Variants in MINK1 observed in about 807,000 individuals in gnomAD.
The protein encoded by MINK1 is misshapen-like kinase 1.
Under a neutral mutation model 178.4 loss-of-function variants are expected in MINK1, and 46 were observed. The observed-to-expected ratio is 0.26, with a 90% CI of 0.20 to 0.33. MINK1 has a LOEUF of 0.33. Among genes scored for constraint, MINK1 ranks in the 10% least tolerant of loss-of-function variants. The probability of loss-of-function intolerance (pLI) is 1.00; values close to 1 mark genes in which losing one functional copy is unlikely to be tolerated. For missense variants in MINK1, 1,366 were observed against 1,814.9 expected, an observed-to-expected ratio of 0.75 and a Z score of 4.49; for synonymous variants, 797 against 709.7, an observed-to-expected ratio of 1.12 and a Z score of -1.96.
At chr17:4,859,673 A>G (rs1319397237) in intron 1 of MINK1, among the ~76,000 whole-genome samples, 1 of 151,546 alleles carries the variant, frequency 6.6e-6, no homozygotes, top group Non-Finnish European at 1.5e-5. Flanking sequence ...CTGTAATCCC[A>G]GCTACCTGGG....
At chr17:4,861,707 G>T in intron 1 of MINK1, 1 of 286,920 alleles carries the variant, frequency 3.5e-6, no homozygotes, top group South Asian at 2.7e-5. Flanking sequence ...CACCATGTTG[G>T]CCAGGCTGGT....
intron 1 of MINK1, among the ~76,000 whole-genome samples, chr17:4,871,480 G>C (rs1597476279): frequency 6.6e-6 from 1 of 152,062 alleles, no homozygotes; most frequent in East Asian, 1.9e-4. Flanking sequence ...CCAAAGTGCT[G>C]GGGTTATAGA....
At position 4,879,152 on chromosome 17, in the gene MINK1, G is replaced by A. The variant is rs532356258; in HGVS notation, c.123+770G>A. Among the ~76,000 whole-genome samples, 3 of 148,786 alleles carry A rather than the reference G, an allele frequency of 2.0e-5. No individual in the cohort carries two copies. The East Asian group carries it at 6.1e-4, about 30-fold the overall frequency. On this transcript the variant is annotated intron_variant, in intron 2 of 31. Coordinates refer to ENST00000355280, the MANE Select transcript of MINK1 (RefSeq NM_153827.5). ...GCTGACACTTGGATTGGGAGGAGCCGCTGCAGCAGGGAGTGAGGTGGCCTG... is the reference window on the plus strand; with the variant it reads ...GCTGACACTTGGATTGGGAGGAGCCACTGCAGCAGGGAGTGAGGTGGCCTG...
At chr17:4,867,594 G>A (rs1281254281) in intron 1 of MINK1, among the ~76,000 whole-genome samples, 1 of 152,164 alleles carries the variant, frequency 6.6e-6, no homozygotes, top group Non-Finnish European at 1.5e-5. Context: ...GAGGTTAGGA[G>A]TTTGAGGCCA....
chr17:4,890,952 TAGA>T lies in MINK1; in HGVS notation c.1572_1574del (p.Glu525del). 1.3e-6 allele frequency: 2 copies of T among 1,554,392 alleles called. No homozygotes were observed. The highest frequency in any genetic ancestry group is 1.7e-6 in the Non-Finnish European group (2 of 1,148,686). On this transcript the variant is annotated inframe_deletion and splice_region_variant, in exon 15 of 32. Coordinates refer to ENST00000355280, the MANE Select transcript of MINK1 (RefSeq NM_153827.5). ...GCTTGACATCCCTTCACATCACAGG[TAGA>T]AGAGAGAACAAGGATGAACAAGCAG... is the stretch of plus-strand genomic sequence containing the variant.
intron 1 of MINK1, chr17:4,859,350 C>T (rs1368570089): frequency 3.1e-6 from 3 of 961,074 alleles, no homozygotes; most frequent in Admixed American, 6.2e-5. Flanking sequence ...TTTTCCTAAC[C>T]TACCTGCTTC....
In MINK1 at chr17:4,894,935, C is replaced by A; in HGVS notation, c.2918-140C>A. 1.1e-6 allele frequency: 1 copy of A among 923,276 alleles called. No individual in the cohort carries two copies. The highest frequency in any genetic ancestry group is 1.6e-6 in the Non-Finnish European group (1 of 616,494). The allele number at this position is 923,276 out of a possible 1,614,324, so 57.2% of individuals were successfully genotyped here. On this transcript the variant is annotated intron_variant, in intron 24 of 31. Transcript: ENST00000355280. This position sits in a 1 kb window ranked among gnomAD's most constrained non-coding sequence, Gnocchi z 4.1. ...AAGTCCAGCACTCTATCCCCCTCTC[C>A]CATGCACCTCCTCTCCTCCTGTCTT...
At chr17:4,865,915 G>A (rs1357918231) in intron 1 of MINK1, among the ~76,000 whole-genome samples, 1 of 151,964 alleles carries the variant, frequency 6.6e-6, no homozygotes, top group Non-Finnish European at 1.5e-5. Flanking sequence ...CGATACATGG[G>A]TTTGTGTCAT....
chr17:4,871,731 C>T (rs926853443), intron 1 of MINK1, among the ~76,000 whole-genome samples: 1 of 152,144 alleles, frequency 6.6e-6, no homozygotes, highest in Non-Finnish European at 1.5e-5. Flanking sequence ...CATTGTTTAA[C>T]ATTTGAGGAA....
chr17:4,858,998 C>T (rs931865896), intron 1 of MINK1: 19 of 392,506 alleles, frequency 4.8e-5, no homozygotes, highest in Non-Finnish European at 5.9e-5. Flanking sequence ...ACCAGGCACC[C>T]GGGGCAGCCC....
At chr17:4,870,652 C>T (rs1421219083) in intron 1 of MINK1, among the ~76,000 whole-genome samples, 2 of 151,606 alleles carry the variant, frequency 1.3e-5, no homozygotes, top group South Asian at 2.1e-4. Context: ...TAGTGAAACC[C>T]CATCTCTACA....
Position 4,887,516 on chromosome 17 carries a change from G to A in MINK1, c.1020-64G>A, listed in dbSNP as rs755986220. On this transcript the variant is annotated intron_variant, in intron 11 of 31. Coordinates refer to ENST00000355280, the MANE Select transcript of MINK1 (RefSeq NM_153827.5). The surrounding 1 kb of genome is among the most constrained non-coding windows in gnomAD (Gnocchi z 7.6). ...AAAGCACCCACTCAGGCGGGCCCAC[G>A]GGGTTGAGAGTGGGAACCAACAGGG... The A allele has an allele frequency of 2.1e-5, 29 of 1,401,814 alleles. No homozygotes were observed. Among genetic ancestry groups the A allele is most frequent in the Admixed American group, 8.6e-5 (3 of 34,768 alleles). The allele number at this position is 1,401,814 out of a possible 1,614,324, so 86.8% of individuals were successfully genotyped here.
intron 4 of MINK1, among the ~76,000 whole-genome samples, chr17:4,881,717 C>A (rs984147835): frequency 6.6e-6 from 1 of 152,262 alleles, no homozygotes; most frequent in South Asian, 2.1e-4. Flanking sequence ...GAGCACCCAG[C>A]CCTTCTGGGT....
rs1394236990 is a variant in MINK1, at chr17:4,896,773, G to C, written c.3875G>C (p.Arg1292Pro). 2 of 1,587,756 alleles carry C rather than the reference G, an allele frequency of 1.3e-6. No individual in the cohort carries two copies. The highest frequency in any genetic ancestry group is 1.7e-6 in the Non-Finnish European group (2 of 1,166,836). ...GHLDGVFMHK[R>P]AQRLKFLCER... The stretch of plus-strand genomic sequence containing the variant: ...CTCGACGGGGTCTTCATGCACAAAC[G>C]AGCTCAGAGGCTCAAGTTCCTGTGT... Residue 1292 changes from arginine (R) to proline (P), a missense_variant, in exon 31 of 32, where the codon CGA becomes CCA. Arg to Pro is a moderately radical substitution (Grantham distance 103). Coordinates refer to ENST00000355280, the MANE Select transcript of MINK1 (RefSeq NM_153827.5). This position sits in a 1 kb window ranked among gnomAD's most constrained non-coding sequence, Gnocchi z 4.6.
At chr17:4,854,190 G>C (rs772044260) in intron 1 of MINK1, among the ~76,000 whole-genome samples, 1 of 152,114 alleles carries the variant, frequency 6.6e-6, no homozygotes, top group Non-Finnish European at 1.5e-5. Flanking sequence ...CCAGCGCAAG[G>C]CTGCTTGAAT....
intron 1 of MINK1, among the ~76,000 whole-genome samples, chr17:4,858,757 C>T (rs189200149): frequency 4.9e-4 from 75 of 152,274 alleles, no homozygotes; most frequent in Non-Finnish European, 1.2e-4. Flanking sequence ...TCTCTTCTCC[C>T]GCTTCCGCAT....
chr17:4,896,995 C>G lies in MINK1; in HGVS notation c.3915+182C>G, dbSNP rs2302317. On this transcript the variant is annotated intron_variant, in intron 31 of 31. Transcript: ENST00000355280. The surrounding 1 kb of genome is among the most constrained non-coding windows in gnomAD (Gnocchi z 4.6). ...CTCCCTTCAGATTCCGAGGACTTCC[C>G]AGCTGGCCCCCAGGGGGCGAGTGGT... 1 of 999,824 alleles carries G rather than the reference C, an allele frequency of 1.0e-6. No homozygotes were observed. Among genetic ancestry groups the G allele is most frequent in the Non-Finnish European group, 1.4e-6 (1 of 691,416 alleles). The allele number at this position is 999,824 out of a possible 1,614,324, so 61.9% of individuals were successfully genotyped here. A position where few individuals can be genotyped will look rare whatever the true frequency, so the allele number is the denominator to read the frequency against.
intron 1 of MINK1, among the ~76,000 whole-genome samples, chr17:4,860,182 T>C (rs1450281380): frequency 2.0e-5 from 3 of 152,206 alleles, no homozygotes; most frequent in African/African-American, 7.2e-5. Flanking sequence ...ATCTGCCAGC[T>C]CCAGGCCACT....
At chr17:4,844,704 T>C (rs1178760036) in intron 1 of MINK1, 1 of 347,040 alleles carries the variant, frequency 2.9e-6, no homozygotes, top group Non-Finnish European at 5.6e-6. Context: ...ACTGTGATGA[T>C]GAAGAGGACA....
Sources: gnomAD v4.1 joint callset for allele counts (sites outside exome capture counted in the v4.1 genomes callset) on GRCh38, gnomAD v4.1.1 for gene constraint, Gnocchi (gnomAD v3.1) non-coding constraint, MANE v1.5 for transcripts, NCBI Gene and HGNC (gene_info 2026-07-23, HGNC 2026-07-21) for gene names.